The following AFG2A variants were observed in gnomAD, a reference collection of about 807,000 sequenced individuals.
AFG2A encodes AAA ATPase AFG2A, also known as ATPase family gene 2 protein homolog A.
the AFG2A span, chr4:122,979,386 T>G: frequency 6.2e-7 from 1 of 1,613,844 alleles, no homozygotes; most frequent in Non-Finnish European, 8.5e-7. Flanking sequence ...ATGTCCCAAA[T>G]GTAAGTCATT....
the AFG2A span, among the ~76,000 whole-genome samples, chr4:123,174,671 T>C: frequency 6.6e-6 from 1 of 152,126 alleles, no homozygotes; most frequent in Non-Finnish European, 1.5e-5. Flanking sequence ...TCTTGAAGAC[T>C]GGTTTACAAA....
chr4:123,026,918 C>T, the AFG2A span, among the ~76,000 whole-genome samples: 1 of 152,168 alleles, frequency 6.6e-6, no homozygotes, highest in African/African-American at 2.4e-5. Flanking sequence ...TATTTCTTTT[C>T]ATGTAACTTT....
the AFG2A span, among the ~76,000 whole-genome samples, chr4:123,260,888 A>G: frequency 6.6e-6 from 1 of 152,240 alleles, no homozygotes; most frequent in Non-Finnish European, 1.5e-5. Context: ...GCCACGGACC[A>G]GCACCAGTAC....
At chr4:123,227,674 G>T in the AFG2A span, among the ~76,000 whole-genome samples, 1 of 152,132 alleles carries the variant, frequency 6.6e-6, no homozygotes, top group Non-Finnish European at 1.5e-5. Context: ...GTGCTGAAAA[G>T]AATGTATATT....
chr4:122,947,592 T>G, the AFG2A span: 3 of 1,295,480 alleles, frequency 2.3e-6, no homozygotes, highest in South Asian at 4.5e-5. Context: ...GAAGTAGCTT[T>G]GTTTCTAATT....
chr4:123,176,176 G>C, the AFG2A span, among the ~76,000 whole-genome samples: 1 of 152,180 alleles, frequency 6.6e-6, no homozygotes, highest in African/African-American at 2.4e-5. Flanking sequence ...GGGAATATAT[G>C]TTTATTTTGT....
the AFG2A span, among the ~76,000 whole-genome samples, chr4:123,179,705 A>G: frequency 2.6e-5 from 4 of 152,260 alleles, no homozygotes; most frequent in South Asian, 6.2e-4. Flanking sequence ...TAATATCTTC[A>G]TATCAGCGAT....
chr4:123,072,068 G>C, the AFG2A span, among the ~76,000 whole-genome samples: 1 of 152,166 alleles, frequency 6.6e-6, no homozygotes, highest in Non-Finnish European at 1.5e-5. Context: ...ATTTATGATG[G>C]AATGAGTATA....
chr4:123,275,951 A>T, the AFG2A span, among the ~76,000 whole-genome samples: 1 of 152,064 alleles, frequency 6.6e-6, no homozygotes, highest in Non-Finnish European at 1.5e-5. Flanking sequence ...TACAGTGAAC[A>T]TACATGTGTC....
the AFG2A span, among the ~76,000 whole-genome samples, chr4:123,140,326 AT>A: frequency 6.6e-6 from 1 of 152,022 alleles, no homozygotes; most frequent in Non-Finnish European, 1.5e-5. Flanking sequence ...AGCTTAATGG[AT>A]TTGGTGCTTA....
chr4:122,990,778 G>A, the AFG2A span, among the ~76,000 whole-genome samples: 9 of 152,222 alleles, frequency 5.9e-5, no homozygotes, highest in South Asian at 1.0e-3. Context: ...TTGTAGAGAC[G>A]AGGTCTTGCT....
At chr4:123,242,510 A>T in the AFG2A span, among the ~76,000 whole-genome samples, 1 of 152,244 alleles carries the variant, frequency 6.6e-6, no homozygotes, top group African/African-American at 2.4e-5. Context: ...AGGATTCCCT[A>T]TTTAATACAT....
the AFG2A span, among the ~76,000 whole-genome samples, chr4:123,089,579 T>C: frequency 2.0e-5 from 3 of 152,088 alleles, no homozygotes; most frequent in East Asian, 1.9e-4. Flanking sequence ...CTGTTGAGTT[T>C]ACTTCTTTTT....
the AFG2A span, among the ~76,000 whole-genome samples, chr4:122,923,743 A>G: frequency 6.6e-6 from 1 of 152,148 alleles, no homozygotes; most frequent in South Asian, 2.1e-4. Context: ...GCAGGTTATG[A>G]TATTTAATAA....
the AFG2A span, among the ~76,000 whole-genome samples, chr4:123,184,487 A>G: frequency 1.3e-5 from 2 of 148,924 alleles, no homozygotes; most frequent in African/African-American, 2.5e-5. Flanking sequence ...TGCCAGTTAT[A>G]TATATAAAGT....
At chr4:123,171,696 T>A in the AFG2A span, among the ~76,000 whole-genome samples, 1 of 152,176 alleles carries the variant, frequency 6.6e-6, no homozygotes, top group East Asian at 1.9e-4. Context: ...GGAACCCTAC[T>A]GTCTAGCATG....
the AFG2A span, among the ~76,000 whole-genome samples, chr4:123,302,602 G>A: frequency 2.6e-5 from 4 of 151,658 alleles, no homozygotes; most frequent in African/African-American, 4.8e-5. Context: ...GGAGTTGATC[G>A]GTAGGTCAAG....
chr4:123,017,135 T>G, the AFG2A span, among the ~76,000 whole-genome samples: 6 of 99,316 alleles, frequency 6.0e-5, no homozygotes, highest in Admixed American at 1.1e-4. Flanking sequence ...AGGGAGACCG[T>G]GGGGAGAGGG....
At chr4:123,189,395 T>A in the AFG2A span, among the ~76,000 whole-genome samples, 1 of 152,212 alleles carries the variant, frequency 6.6e-6, no homozygotes. Context: ...TTCTCATAAA[T>A]TGTTTCCTAG....
Sources: gnomAD v4.1 joint callset for allele counts (sites outside exome capture counted in the v4.1 genomes callset) on GRCh38, gnomAD v4.1.1 for gene constraint, MANE v1.5 for transcripts, NCBI Gene and HGNC (gene_info 2026-07-23, HGNC 2026-07-21) for gene names.